Variants in INKA2 observed in about 807,000 individuals in gnomAD.
INKA2 encodes the protein inka box actin regulator 2.
INKA2 carries 3 observed loss-of-function variants against 9.8 expected under a neutral mutation model. The ratio of observed to expected loss-of-function variants is 0.31; its 90% CI spans 0.14 to 0.79. INKA2 has a LOEUF of 0.79. Among genes scored for constraint, INKA2 ranks in the 30% least tolerant of loss-of-function variants. INKA2 has a pLI of 0.62. For missense variants in INKA2, 392 were observed against 384.4 expected (o/e 1.02, Z -0.17); for synonymous variants, 147 against 143.3 (o/e 1.03, Z -0.18).
At chr1:111,752,257 G>C (rs1484430767) in intron 1 of INKA2, among the ~76,000 whole-genome samples, 1 of 152,138 alleles carries the variant, frequency 6.6e-6, no homozygotes, top group African/African-American at 2.4e-5. Context: ...ATCTTGGGGA[G>C]GTAAGCTCCT....
intron 1 of INKA2, among the ~76,000 whole-genome samples, chr1:111,738,273 A>G (rs777556460): frequency 1.3e-5 from 2 of 152,138 alleles, no homozygotes. Flanking sequence ...CGGTGGGTGA[A>G]GGAATAAGAA....
chr1:111,742,432 C>G (rs1389215092), upstream of INKA2, among the ~76,000 whole-genome samples: 1 of 152,066 alleles, frequency 6.6e-6, no homozygotes, highest in African/African-American at 2.4e-5. Flanking sequence ...TAAAAATACA[C>G]AAATTAGCCT....
chr1:111,752,433 A>G (rs1220441156), intron 1 of INKA2, among the ~76,000 whole-genome samples: 5 of 152,152 alleles, frequency 3.3e-5, no homozygotes, highest in African/African-American at 9.7e-5. Flanking sequence ...GGCTCTGTTT[A>G]CTTTGTTCCA....
chr1:111,735,702 A>G (rs1662995337), intron 1 of INKA2, among the ~76,000 whole-genome samples: 1 of 152,172 alleles, frequency 6.6e-6, no homozygotes, highest in Non-Finnish European at 1.5e-5. Flanking sequence ...TTGCCCCAAG[A>G]TCTGAAGGCT....
intron 1 of INKA2, among the ~76,000 whole-genome samples, chr1:111,731,907 C>T (rs911776507): frequency 6.6e-6 from 1 of 152,130 alleles, no homozygotes; most frequent in Non-Finnish European, 1.5e-5. Context: ...CTGTTTTTTC[C>T]CTCCCCACTC....
At chr1:111,740,416 G>C (rs542648643), upstream of INKA2, among the ~76,000 whole-genome samples, 1,208 of 152,294 alleles carry the variant, frequency 7.9e-3, 8 homozygotes, top group South Asian at 0.037. Flanking sequence ...AGCCCTGGAC[G>C]CCGGGCTCCG....
chr1:111,739,402 C>T (rs939204810), upstream of INKA2: 112 of 1,475,876 alleles, frequency 7.6e-5, 1 homozygote, highest in East Asian at 1.4e-3. Flanking sequence ...AGTCGCTTCC[C>T]CAGCGGCTAG....
chr1:111,737,519 C>T, intron 1 of INKA2, among the ~76,000 whole-genome samples: 1 of 152,212 alleles, frequency 6.6e-6, no homozygotes, highest in Non-Finnish European at 1.5e-5. Context: ...CTTTTCTCTG[C>T]ATGGGTCTTG....
Position 111,727,710 on chromosome 1 carries a change from G to A in INKA2, c.152C>T (p.Ala51Val). Reference protein sequence around the residue: ...QELKLLQVQTALEQLEISGGG... With the variant: ...QELKLLQVQTVLEQLEISGGG... ...TCCAGAGATCTCCAGCTGTTCCAGTGCTGTCTGCACCTGGAGGAGCTTCAG... is the reference window on the plus strand; with the variant it reads ...TCCAGAGATCTCCAGCTGTTCCAGTACTGTCTGCACCTGGAGGAGCTTCAG... The change falls in exon 2 of 2, where the codon GCA becomes GTA. Residue 51 changes from alanine to valine, a missense_variant. Ala to Val is a moderately conservative substitution (Grantham distance 64). Coordinates refer to ENST00000357260, the MANE Select transcript of INKA2 (RefSeq NM_019099.5). 1 of 1,613,920 alleles carries A rather than the reference G, an allele frequency of 6.2e-7. No individual in the cohort carries two copies. The highest frequency in any genetic ancestry group is 8.5e-7 in the Non-Finnish European group (1 of 1,179,922).
chr1:111,727,600 G>C lies in INKA2; in HGVS notation c.262C>G (p.Pro88Ala), dbSNP rs1662815116. ...CWEGGRGPARPTVCSPSSQPS... is the reference protein window; with the variant it reads ...CWEGGRGPARATVCSPSSQPS... ...TGACTGGAGGGGGAACAGACTGTGG[G>C]CCTGGCAGGACCTCTGCCACCCTCC... is the stretch of plus-strand genomic sequence containing the variant. Residue 88 changes from proline (P) to alanine (A), a missense_variant, in exon 2 of 2, where the codon CCC (proline) becomes GCC (alanine). By Grantham distance (27) the Pro-to-Ala change is conservative. Transcript: ENST00000357260. The C allele has an allele frequency of 6.2e-7, 1 of 1,610,162 alleles. No individual in the cohort carries two copies. The highest frequency in any genetic ancestry group is 1.7e-5 in the Admixed American group (1 of 59,678).
At chr1:111,739,566 A>C (rs1329481022), upstream of INKA2, 16 of 565,906 alleles carry the variant, frequency 2.8e-5, no homozygotes, top group Non-Finnish European at 4.3e-5. Flanking sequence ...ACCCGGGCGC[A>C]GCCACTGGGG....
At chr1:111,735,042 TC>T (rs1662983588) in intron 1 of INKA2, among the ~76,000 whole-genome samples, 1 of 152,266 alleles carries the variant, frequency 6.6e-6, no homozygotes, top group Non-Finnish European at 1.5e-5. Flanking sequence ...CTTTATTGAC[TC>T]ATTCATAAAA....
rs141241151 is a variant in INKA2 at position 111,739,189 on chromosome 1, C to G, written c.54G>C (p.Glu18Asp). The G allele has an allele frequency of 4.4e-5, 71 of 1,613,552 alleles. No individual in the cohort carries two copies. In the African/African-American group the frequency reaches 7.7e-4, roughly 18 times the overall value. The part of the protein sequence containing the change: ...MDCYLRRLKQ[E>D]LMSMKEVGDG... ...CCGGCGCCAGCTTCGCTCTTACCAG[C>G]TCCTGTTTGAGGCGACGGAGATAGC... is the stretch of plus-strand genomic sequence containing the variant. Residue 18 changes from glutamate to aspartate, a missense_variant, in exon 1 of 2, where the codon GAG becomes GAC. Physicochemically the swap from Glu to Asp is conservative, Grantham distance 45 (BLOSUM62 2). Transcript: ENST00000357260.
intron 1 of INKA2, among the ~76,000 whole-genome samples, chr1:111,732,279 G>C (rs1398662328): frequency 6.6e-6 from 1 of 152,150 alleles, no homozygotes; most frequent in Non-Finnish European, 1.5e-5. Context: ...CCTTGCCTCA[G>C]GACCAAAAGG....
At chr1:111,749,211 C>T (rs1042581543) in intron 1 of INKA2, among the ~76,000 whole-genome samples, 2 of 152,154 alleles carry the variant, frequency 1.3e-5, no homozygotes, top group South Asian at 2.1e-4. Flanking sequence ...CTCCAGACCA[C>T]GAGCATTTAT....
chr1:111,755,518 G>C, intron 1 of INKA2: 4 of 657,026 alleles, frequency 6.1e-6, no homozygotes, highest in Non-Finnish European at 7.6e-6. Context: ...ACAGGCCAGC[G>C]GAACGGAAAA....
At chr1:111,738,380 C>G (rs996717716) in intron 1 of INKA2, among the ~76,000 whole-genome samples, 1 of 152,002 alleles carries the variant, frequency 6.6e-6, no homozygotes, top group South Asian at 2.1e-4. Context: ...CACCACTCCC[C>G]CGACTTCGGT....
rs1056923840 is a variant in INKA2 at position 111,722,113 on chromosome 1, G to A, written c.*4855C>T. On this transcript the variant is annotated 3_prime_UTR_variant, in exon 2 of 2. Coordinates refer to ENST00000357260, the MANE Select transcript of INKA2 (RefSeq NM_019099.5). Reference sequence around the variant, plus strand: ...TAGGGGTTGGGTGGAGGAGGCAAAAGGAAGGCAAGGGACATCCTAGTAATC... The same window carrying A: ...TAGGGGTTGGGTGGAGGAGGCAAAAAGAAGGCAAGGGACATCCTAGTAATC... 1 of 152,316 alleles carries A rather than the reference G, an allele frequency of 6.6e-6. No individual in the cohort carries two copies. The highest frequency in any genetic ancestry group is 1.5e-5 in the Non-Finnish European group (1 of 68,108). 9.4% of individuals were successfully genotyped at this position (152,316 alleles called of 1,614,324 possible). A position where few individuals can be genotyped will look rare whatever the true frequency, so the allele number is the denominator to read the frequency against.
chr1:111,725,740 T>C lies in INKA2; in HGVS notation c.*1228A>G. 5.6e-6 allele frequency: 1 copy of C among 177,180 alleles called. No individual in the cohort carries two copies. Among genetic ancestry groups the C allele is most frequent in the Admixed American group, 6.2e-5 (1 of 16,008 alleles). The allele number at this position is 177,180 out of a possible 1,614,324, so 11.0% of individuals were successfully genotyped here. A position where few individuals can be genotyped will look rare whatever the true frequency, so the allele number is the denominator to read the frequency against. ...GGGCCCTACGAACTGTTTTTTTTTA[T>C]TTTTTTTGAGACAGGGGAGTCTTGC... On this transcript the variant is annotated 3_prime_UTR_variant, in exon 2 of 2. Transcript: ENST00000357260.
Sources: gnomAD v4.1 joint callset for allele counts (sites outside exome capture counted in the v4.1 genomes callset) on GRCh38, gnomAD v4.1.1 for gene constraint, MANE v1.5 for transcripts, NCBI Gene and HGNC (gene_info 2026-07-23, HGNC 2026-07-21) for gene names.